Variants in UNC13C observed in about 807,000 individuals in gnomAD.
The protein encoded by UNC13C is unc-13 homolog C.
UNC13C carries 174 observed loss-of-function variants against 245.4 expected under a neutral mutation model. The observed-to-expected ratio is 0.71, with a 90% CI of 0.63 to 0.80. The LOEUF (loss-of-function observed/expected upper bound fraction) is 0.80. Among genes scored for constraint, UNC13C ranks in the 30% least tolerant of loss-of-function variants. The probability of loss-of-function intolerance (pLI) is 0.00; values close to 1 mark genes in which losing one functional copy is unlikely to be tolerated. For missense variants in UNC13C, 2,829 were observed against 2,602.9 expected (o/e 1.09, Z -1.89); for synonymous variants, 992 against 895.1 (o/e 1.11, Z -1.93).
the UNC13C span, among the ~76,000 whole-genome samples, chr15:53,948,768 G>A: frequency 1.3e-5 from 2 of 151,900 alleles, no homozygotes; most frequent in Non-Finnish European, 2.9e-5. Flanking sequence ...GTGAGGAAAT[G>A]ACCTTTCAAG....
Position 54,589,819 on chromosome 15 carries a change from TTA to T in UNC13C, c.6106+21874_6106+21875del, listed in dbSNP as rs373708124. ...TTTATTTTAGTTAGGTCCCAGCTAT[TTA>T]TCTTTGTTTTCATTGTAATTGCTTT... On this transcript the variant is annotated intron_variant, in intron 30 of 32. Coordinates refer to ENST00000260323, the MANE Select transcript of UNC13C (RefSeq NM_001080534.3). Among the ~76,000 whole-genome samples the T allele has an allele frequency of 4.7e-3, 721 of 152,292 alleles. 5 individuals carry two copies. Among genetic ancestry groups the T allele is most frequent in the African/African-American group, 0.016 (682 of 41,566 alleles).
In UNC13C at chr15:54,241,759, G is replaced by A. The variant is rs1371772379; in HGVS notation, c.3228+4069G>A. 3.3e-5 allele frequency among the ~76,000 whole-genome samples: 5 copies of A among 152,228 alleles called. No homozygotes were observed. The South Asian group carries it at 6.2e-4, about 19-fold the overall frequency. ...GCCGGCATGGCAGGTGGCCATCAGCGCAGTAGGGCAGGAACTTGTGATCGG... is the reference window on the plus strand; with the variant it reads ...GCCGGCATGGCAGGTGGCCATCAGCACAGTAGGGCAGGAACTTGTGATCGG... On this transcript the variant is annotated intron_variant, in intron 7 of 32. Coordinates refer to ENST00000260323, the MANE Select transcript of UNC13C (RefSeq NM_001080534.3).
chr15:54,066,934 CT>C (rs570403311), intron 2 of UNC13C, among the ~76,000 whole-genome samples: 25 of 148,690 alleles, frequency 1.7e-4, no homozygotes, highest in African/African-American at 4.9e-4. Context: ...AAATTGTTTT[CT>C]TTTTTTTTTA....
Position 54,231,923 on chromosome 15 carries a change from T to C in UNC13C, c.3072-3107T>C, listed in dbSNP as rs141214616. Among the ~76,000 whole-genome samples the C allele has an allele frequency of 5.3e-5, 8 of 152,220 alleles. No individual in the cohort carries two copies. In the East Asian group the frequency reaches 1.5e-3, roughly 29 times the overall value. ...AGAAAGTAAATGATTTATTTATATA[T>C]GAATATTTCTACTATTTACTAGTTT... On this transcript the variant is annotated intron_variant, in intron 4 of 32. Transcript: ENST00000260323.
chr15:54,054,232 C>T (rs1461837791), intron 2 of UNC13C, among the ~76,000 whole-genome samples: 2 of 152,152 alleles, frequency 1.3e-5, no homozygotes, highest in Non-Finnish European at 2.9e-5. Flanking sequence ...TAATTTATGC[C>T]TACCTATCAT....
At chr15:54,509,913 C>A (rs117502389) in intron 23 of UNC13C, among the ~76,000 whole-genome samples, 1 of 152,100 alleles carries the variant, frequency 6.6e-6, no homozygotes, top group African/African-American at 2.4e-5. Context: ...ATAACTGCAT[C>A]TCCTCTTTTT....
intron 19 of UNC13C, among the ~76,000 whole-genome samples, chr15:54,471,518 C>A (rs1892459904): frequency 6.6e-6 from 1 of 151,540 alleles, no homozygotes; most frequent in Non-Finnish European, 1.5e-5. Flanking sequence ...TGCCCCCATT[C>A]CCCTTTGGCT....
chr15:54,255,763 T>C (rs1045897416), intron 8 of UNC13C, among the ~76,000 whole-genome samples: 3 of 152,178 alleles, frequency 2.0e-5, no homozygotes, highest in African/African-American at 7.2e-5. Context: ...CGTGGAGCCC[T>C]AGCCAGAGAC....
intron 10 of UNC13C, among the ~76,000 whole-genome samples, chr15:54,273,591 T>C (rs1384190558): frequency 6.6e-6 from 1 of 152,202 alleles, no homozygotes; most frequent in African/African-American, 2.4e-5. Context: ...CTATCAATGA[T>C]TGGAACATCT....
intron 19 of UNC13C, among the ~76,000 whole-genome samples, chr15:54,462,522 G>A (rs911078770): frequency 2.5e-4 from 38 of 152,230 alleles, no homozygotes; most frequent in Non-Finnish European, 4.1e-4. Context: ...CTGGGTGGGC[G>A]TGGGCCTGGT....
At chr15:54,258,995 C>T (rs1261120892) in intron 8 of UNC13C, among the ~76,000 whole-genome samples, 1 of 152,224 alleles carries the variant, frequency 6.6e-6, no homozygotes, top group African/African-American at 2.4e-5. Flanking sequence ...GGTTTCAGCA[C>T]AGTCAGGGCC....
At chr15:54,428,787 C>T (rs2040809038) in intron 19 of UNC13C, among the ~76,000 whole-genome samples, 2 of 151,486 alleles carry the variant, frequency 1.3e-5, no homozygotes, top group South Asian at 4.1e-4. Flanking sequence ...GCAGTGTGCC[C>T]TTTGATCCCT....
the UNC13C span, among the ~76,000 whole-genome samples, chr15:53,947,324 T>C: frequency 1.3e-5 from 2 of 152,198 alleles, no homozygotes. Context: ...GAGCATAGTA[T>C]AATGTGGCAC....
chr15:54,461,399 A>G (rs1316285572), intron 19 of UNC13C, among the ~76,000 whole-genome samples: 1 of 152,168 alleles, frequency 6.6e-6, no homozygotes, highest in Non-Finnish European at 1.5e-5. Flanking sequence ...CATTTTAGAT[A>G]AGGGATATTT....
intron 2 of UNC13C, among the ~76,000 whole-genome samples, chr15:54,057,718 ACTC>A (rs1467521337): frequency 6.6e-6 from 1 of 152,176 alleles, no homozygotes; most frequent in Admixed American, 6.6e-5. Context: ...GAAGTAAAGC[ACTC>A]CTCAGAAAAT....
At chr15:54,216,217 A>G (rs985947475) in intron 4 of UNC13C, among the ~76,000 whole-genome samples, 4 of 151,988 alleles carry the variant, frequency 2.6e-5, no homozygotes, top group African/African-American at 9.7e-5. Flanking sequence ...CTTGCTGCCA[A>G]TAATCTGGGT....
At chr15:54,134,273 T>TA (rs931722895) in intron 2 of UNC13C, among the ~76,000 whole-genome samples, 1 of 1,012 alleles carries the variant, frequency 9.9e-4, no homozygotes, top group Non-Finnish European at 0.015. Flanking sequence ...ATGAGTTCAG[T>TA]TTTTTTTTTT....
intron 10 of UNC13C, among the ~76,000 whole-genome samples, chr15:54,266,563 G>C (rs1387707667): frequency 1.3e-5 from 2 of 152,126 alleles, no homozygotes; most frequent in Non-Finnish European, 2.9e-5. Flanking sequence ...GGCTTCCGTT[G>C]CCATGCGATC....
intron 19 of UNC13C, among the ~76,000 whole-genome samples, chr15:54,487,422 C>T (rs1893471483): frequency 6.6e-6 from 1 of 151,998 alleles, no homozygotes; most frequent in Non-Finnish European, 1.5e-5. Context: ...TCTTACCCTA[C>T]AAAAATTAAC....
Sources: allele counts gnomAD v4.1 joint callset (sites outside exome capture counted in the v4.1 genomes callset), GRCh38; gene constraint gnomAD v4.1.1; transcripts MANE v1.5; gene names NCBI Gene and HGNC (gene_info 2026-07-23, HGNC 2026-07-21).